The following SYNPR variants were observed in gnomAD, a reference collection of about 807,000 sequenced individuals.
SYNPR encodes synaptoporin.
In SYNPR, 23 loss-of-function variants were observed where a neutral mutation model predicts 32.9. The ratio of observed to expected loss-of-function variants is 0.70; its 90% CI spans 0.50 to 0.99. The LOEUF is 0.99. Ranked by LOEUF, SYNPR falls within the 50% of genes least tolerant of loss-of-function variation. SYNPR has a pLI of 0.00. For synonymous variants in SYNPR, 146 were observed against 135.9 expected, an observed-to-expected ratio of 1.07 and a Z score of -0.52; for missense variants, 318 against 349.3, an observed-to-expected ratio of 0.91 and a Z score of 0.71.
the SYNPR span, among the ~76,000 whole-genome samples, chr3:63,219,578 C>T: frequency 6.6e-6 from 1 of 152,204 alleles, no homozygotes; most frequent in Non-Finnish European, 1.5e-5. Context: ...TAATAGCCTA[C>T]TGCTGACCAG....
chr3:63,233,987 C>G (rs973935796), intron 1 of SYNPR, among the ~76,000 whole-genome samples: 2 of 152,158 alleles, frequency 1.3e-5, no homozygotes, highest in African/African-American at 4.8e-5. Flanking sequence ...TGACAAGAGC[C>G]TGTTCTGGAG....
At chr3:63,258,741 T>C (rs373877191) in intron 2 of SYNPR, among the ~76,000 whole-genome samples, 2 of 151,824 alleles carry the variant, frequency 1.3e-5, no homozygotes, top group South Asian at 2.1e-4. Context: ...CTGAAGGAAA[T>C]AGAGACACAA....
intron 2 of SYNPR, among the ~76,000 whole-genome samples, chr3:63,327,443 T>C (rs952661151): frequency 6.6e-6 from 1 of 152,148 alleles, no homozygotes; most frequent in Non-Finnish European, 1.5e-5. Context: ...TCTAGCTATA[T>C]GTATTATAAA....
At chr3:63,224,162 G>A (rs1282271376), upstream of SYNPR, among the ~76,000 whole-genome samples, 1 of 152,168 alleles carries the variant, frequency 6.6e-6, no homozygotes, top group Non-Finnish European at 1.5e-5. Flanking sequence ...ACAGCAGGAG[G>A]TGAGTGGCAG....
At chr3:63,302,448 A>C (rs1383121761) in intron 2 of SYNPR, among the ~76,000 whole-genome samples, 1 of 152,080 alleles carries the variant, frequency 6.6e-6, no homozygotes, top group Non-Finnish European at 1.5e-5. Flanking sequence ...AATACCATTA[A>C]GTCTAAAGCC....
At chr3:63,403,199 G>C (rs186207058) in intron 2 of SYNPR, among the ~76,000 whole-genome samples, 3 of 152,198 alleles carry the variant, frequency 2.0e-5, no homozygotes, top group African/African-American at 4.8e-5. Flanking sequence ...TGCTCTGGCT[G>C]ATTGAAAGAG....
intron 2 of SYNPR, among the ~76,000 whole-genome samples, chr3:63,466,549 A>G (rs1229883006): frequency 6.6e-6 from 1 of 151,444 alleles, no homozygotes. Context: ...TTTTTGTGAT[A>G]TTAGACATCA....
intron 2 of SYNPR, among the ~76,000 whole-genome samples, chr3:63,297,579 A>C (rs2086802217): frequency 6.6e-6 from 1 of 152,194 alleles, no homozygotes; most frequent in East Asian, 1.9e-4. Context: ...GATACAAAGA[A>C]ATAGTTTCAT....
In SYNPR at chr3:63,278,700, G is replaced by T. The variant is rs998790855; in HGVS notation, c.42G>T (p.Arg14=). 1.3e-5 allele frequency: 20 copies of T among 1,551,684 alleles called. No individual in the cohort carries two copies. The highest frequency in any genetic ancestry group is 1.7e-5 in the Non-Finnish European group (20 of 1,146,984). ...AGCTGGCCTCTGCGGGCACCTTCCG[G>T]GTGCTGAAGGAGCCCCTTGCCTTCC... ...VSQLASAGTF[R]VLKEPLAFLR... The change falls in exon 2 of 6, where the codon CGG becomes CGT. Residue 14 remains arginine (R), a synonymous_variant. Transcript: ENST00000478300.
In SYNPR at chr3:63,267,913, T is replaced by G. The variant is rs144013590; in HGVS notation, n.287+464T>G. Among the ~76,000 whole-genome samples the G allele has an allele frequency of 3.3e-3, 507 of 152,282 alleles. 2 individuals are homozygous for G. Among genetic ancestry groups the G allele is most frequent in the African/African-American group, 0.011 (454 of 41,556 alleles). ...TGCTAAATAAATTTTGAAAGAATTA[T>G]GGAAGTCTGAAAAAAAGCAACTTGT... On this transcript the variant is annotated intron_variant and non_coding_transcript_variant, in intron 3 of 4. Transcript: ENST00000478456.
At chr3:63,295,868 A>T (rs2086788125) in intron 2 of SYNPR, among the ~76,000 whole-genome samples, 1 of 152,100 alleles carries the variant, frequency 6.6e-6, no homozygotes, top group South Asian at 2.1e-4. Context: ...GCCCCCATCT[A>T]CTTATGAAAC....
intron 2 of SYNPR, among the ~76,000 whole-genome samples, chr3:63,375,495 C>T (rs1292441203): frequency 6.6e-6 from 1 of 152,136 alleles, no homozygotes; most frequent in Admixed American, 6.6e-5. Flanking sequence ...ACCGCATGTT[C>T]TCACTCGTAG....
At chr3:63,249,726 A>T (rs146022252) in intron 1 of SYNPR, among the ~76,000 whole-genome samples, 1 of 152,294 alleles carries the variant, frequency 6.6e-6, no homozygotes, top group East Asian at 1.9e-4. Flanking sequence ...TGGAAACAAC[A>T]TAAGTGACTT....
intron 2 of SYNPR, among the ~76,000 whole-genome samples, chr3:63,406,539 G>C (rs759802910): frequency 2.6e-5 from 4 of 151,910 alleles, no homozygotes; most frequent in Non-Finnish European, 4.4e-5. Flanking sequence ...GTTAGGACAG[G>C]CCAGAGCCGA....
At chr3:63,294,218 C>G (rs1296060905) in intron 2 of SYNPR, among the ~76,000 whole-genome samples, 1 of 151,998 alleles carries the variant, frequency 6.6e-6, no homozygotes, top group Non-Finnish European at 1.5e-5. Context: ...AATTACTATG[C>G]CTCTATTGTT....
chr3:63,376,435 A>G (rs1168603983), intron 2 of SYNPR, among the ~76,000 whole-genome samples: 1 of 152,148 alleles, frequency 6.6e-6, no homozygotes, highest in Non-Finnish European at 1.5e-5. Flanking sequence ...ATCGTATATG[A>G]TAAGACTGCT....
the SYNPR span, among the ~76,000 whole-genome samples, chr3:63,202,053 C>A: frequency 2.0e-5 from 3 of 152,046 alleles, no homozygotes; most frequent in East Asian, 3.8e-4. Flanking sequence ...TTTTTAAAAA[C>A]CCCAGAATAT....
chr3:63,326,074 T>C (rs528039424), intron 2 of SYNPR, among the ~76,000 whole-genome samples: 9 of 152,074 alleles, frequency 5.9e-5, no homozygotes, highest in Admixed American at 3.3e-4. Flanking sequence ...TGAATGAGGA[T>C]GAGGTGGGAG....
rs200625837 is a variant in SYNPR at position 63,447,312 on chromosome 3, TA to T, written c.85-33517del. Among the ~76,000 whole-genome samples the T allele has an allele frequency of 1.4e-3, 207 of 152,302 alleles. 3 individuals carry two copies. The East Asian group carries it at 0.033, about 24-fold the overall frequency. On this transcript the variant is annotated intron_variant, in intron 2 of 5. Transcript: ENST00000478300. Reference sequence around the variant, plus strand: ...ATGCTGCTTTCTTCAGAGGGGTGACTAAATTCCAAATCAATAGTACTGAGGA... The same window carrying T: ...ATGCTGCTTTCTTCAGAGGGGTGACTAATTCCAAATCAATAGTACTGAGGA...
Sources: gnomAD v4.1 joint callset for allele counts (sites outside exome capture counted in the v4.1 genomes callset) on GRCh38, gnomAD v4.1.1 for gene constraint, MANE v1.5 for transcripts, NCBI Gene and HGNC (gene_info 2026-07-23, HGNC 2026-07-21) for gene names.